The following SUGCT variants were observed in gnomAD, a reference collection of about 807,000 sequenced individuals.
The protein encoded by SUGCT is succinyl-CoA:glutarate CoA-transferase.
In SUGCT, 41 loss-of-function variants were observed where a neutral mutation model predicts 55.0. The ratio of observed to expected loss-of-function variants is 0.74; its 90% CI spans 0.58 to 0.97. SUGCT has a LOEUF of 0.97. Among genes scored for constraint, SUGCT ranks in the 50% least tolerant of loss-of-function variants. SUGCT has a pLI of 0.00. For missense variants in SUGCT, 568 were observed against 547.8 expected (o/e 1.04, Z -0.37); for synonymous variants, 187 against 200.4 (o/e 0.93, Z 0.56).
chr7:40,614,450 C>T (rs1290413828), intron 12 of SUGCT, among the ~76,000 whole-genome samples: 3 of 152,172 alleles, frequency 2.0e-5, no homozygotes, highest in African/African-American at 7.2e-5. Context: ...CATATGCTGA[C>T]ATCTTTATTT....
chr7:40,250,827 T>G (rs1441357961), intron 7 of SUGCT, among the ~76,000 whole-genome samples: 2 of 91,390 alleles, frequency 2.2e-5, no homozygotes, highest in Admixed American at 2.3e-4. Flanking sequence ...ATTTCACGCT[T>G]CTTTTTTTTT....
intron 12 of SUGCT, among the ~76,000 whole-genome samples, chr7:40,629,780 A>T (rs894689545): frequency 7.2e-5 from 11 of 152,176 alleles, no homozygotes; most frequent in South Asian, 2.1e-4. Flanking sequence ...ATTACATGTA[A>T]CTTTTTGCAT....
chr7:40,314,514 A>G (rs1451688045), intron 8 of SUGCT, among the ~76,000 whole-genome samples: 1 of 150,588 alleles, frequency 6.6e-6, no homozygotes, highest in Admixed American at 6.6e-5. Context: ...CTCCAATTTC[A>G]GGAAGGGGTG....
chr7:40,570,160 C>T (rs896891464), intron 12 of SUGCT, among the ~76,000 whole-genome samples: 1 of 152,210 alleles, frequency 6.6e-6, no homozygotes, highest in African/African-American at 2.4e-5. Context: ...TTAAGACAGA[C>T]TTATTTTAAA....
chr7:40,292,800 G>A (rs1438886893), intron 8 of SUGCT, among the ~76,000 whole-genome samples: 2 of 152,146 alleles, frequency 1.3e-5, no homozygotes, highest in Non-Finnish European at 2.9e-5. Context: ...AAAATCAGGT[G>A]CATCCATCTT....
chr7:40,929,445 G>T, the SUGCT span, among the ~76,000 whole-genome samples: 5 of 152,144 alleles, frequency 3.3e-5, no homozygotes, highest in Admixed American at 6.5e-5. Context: ...ACCCAGTAAT[G>T]GGATCGCTGG....
rs185546785 is a variant in SUGCT, at chr7:40,171,604, G to A, written c.101-9343G>A. 3.3e-5 allele frequency among the ~76,000 whole-genome samples: 5 copies of A among 152,306 alleles called. No individual in the cohort carries two copies. In the East Asian group the frequency reaches 7.7e-4, roughly 24 times the overall value. ...TTAGACTTTTGAGTTAGTAAGCTAC[G>A]TTTTTGCTTTTTTTGAATTAGGATA... On this transcript the variant is annotated intron_variant, in intron 1 of 13. Coordinates refer to ENST00000335693, the MANE Select transcript of SUGCT (RefSeq NM_001193313.2).
chr7:40,897,566 G>C, the SUGCT span, among the ~76,000 whole-genome samples: 1 of 152,098 alleles, frequency 6.6e-6, no homozygotes, highest in African/African-American at 2.4e-5. Context: ...TGACACTCTG[G>C]TGGCTGGGAA....
At chr7:40,510,881 A>G (rs1792887816) in intron 12 of SUGCT, among the ~76,000 whole-genome samples, 1 of 152,174 alleles carries the variant, frequency 6.6e-6, no homozygotes, top group African/African-American at 2.4e-5. Flanking sequence ...TTGTTGTGGG[A>G]AAAAGGACCA....
chr7:40,931,063 A>T, the SUGCT span, among the ~76,000 whole-genome samples: 2 of 152,334 alleles, frequency 1.3e-5, no homozygotes, highest in East Asian at 1.9e-4. Flanking sequence ...TGGGTTTGTC[A>T]TAAATAGCTC....
chr7:40,600,181 C>T lies in SUGCT; in HGVS notation c.1089+103795C>T, dbSNP rs139164043. Among the ~76,000 whole-genome samples, 509 of 152,308 alleles carry T rather than the reference C, an allele frequency of 3.3e-3. 2 individuals are homozygous for T. The highest frequency in any genetic ancestry group is 0.012 in the African/African-American group (482 of 41,556). On this transcript the variant is annotated intron_variant, in intron 12 of 13. Transcript: ENST00000335693. ...CCATTTCATTATTCTTTTTCAGGAA[C>T]CTTCCCCCAAACAAACAGAGCAAAA...
chr7:40,794,672 A>C (rs1457080353), intron 13 of SUGCT, among the ~76,000 whole-genome samples: 1 of 152,110 alleles, frequency 6.6e-6, no homozygotes, highest in Non-Finnish European at 1.5e-5. Context: ...TGCTGTGTGT[A>C]CTGGATCCTC....
intron 13 of SUGCT, among the ~76,000 whole-genome samples, chr7:40,842,625 A>G (rs1210164975): frequency 2.0e-5 from 3 of 152,242 alleles, no homozygotes; most frequent in Non-Finnish European, 4.4e-5. Flanking sequence ...ATGTTAATTT[A>G]CTAGACTCTG....
chr7:40,629,250 G>A (rs746271973), intron 12 of SUGCT, among the ~76,000 whole-genome samples: 8 of 152,154 alleles, frequency 5.3e-5, no homozygotes, highest in Non-Finnish European at 1.2e-4. Context: ...AAAAACCTGT[G>A]TGCTGCTCTT....
At chr7:40,153,637 T>C in intron 1 of SUGCT, 1 of 523,548 alleles carries the variant, frequency 1.9e-6, no homozygotes, top group South Asian at 1.4e-5. Context: ...GTCGATCCAA[T>C]GTGTGGAACA....
intron 12 of SUGCT, among the ~76,000 whole-genome samples, chr7:40,601,941 G>C (rs747191175): frequency 2.0e-5 from 3 of 152,050 alleles, no homozygotes; most frequent in African/African-American, 7.2e-5. Context: ...CTGAGAGTTC[G>C]CATTTTAAAG....
the SUGCT span, among the ~76,000 whole-genome samples, chr7:40,993,659 A>C: frequency 1.3e-5 from 2 of 152,150 alleles, no homozygotes; most frequent in Admixed American, 6.5e-5. Flanking sequence ...ATTGGCAAGC[A>C]TTTTACCCAT....
At chr7:40,337,832 T>G (rs987948774) in intron 9 of SUGCT, among the ~76,000 whole-genome samples, 7 of 152,230 alleles carry the variant, frequency 4.6e-5, no homozygotes, top group African/African-American at 1.7e-4. Flanking sequence ...TGATGCAGTT[T>G]CTTCCTAGCC....
intron 6 of SUGCT, among the ~76,000 whole-genome samples, chr7:40,224,482 T>C (rs1256732689): frequency 1.3e-5 from 2 of 151,814 alleles, no homozygotes; most frequent in Non-Finnish European, 2.9e-5. Flanking sequence ...TTAAGGTCAC[T>C]TTTAGCAAGA....
Sources: gnomAD v4.1 joint callset for allele counts (sites outside exome capture counted in the v4.1 genomes callset) on GRCh38, gnomAD v4.1.1 for gene constraint, MANE v1.5 for transcripts, NCBI Gene and HGNC (gene_info 2026-07-23, HGNC 2026-07-21) for gene names.